ZBTB37: variants seen among roughly 807,000 people sequenced by gnomAD.
ZBTB37 encodes the protein zinc finger and BTB domain-containing protein 37.
Under a neutral mutation model 37.7 loss-of-function variants are expected in ZBTB37, and 15 were observed. That is an observed-to-expected ratio of 0.40 (90% CI 0.27 to 0.61). ZBTB37 has a LOEUF of 0.61. Among genes scored for constraint, ZBTB37 ranks in the 20% least tolerant of loss-of-function variants. ZBTB37 has a pLI of 0.44. For synonymous variants in ZBTB37, 231 were observed against 220.6 expected (o/e 1.05, Z -0.42); for missense variants, 514 against 641.9 (o/e 0.80, Z 2.15).
At chr1:173,869,694 T>A (rs1373822010) in intron 2 of ZBTB37, among the ~76,000 whole-genome samples, 1 of 152,216 alleles carries the variant, frequency 6.6e-6, no homozygotes, top group Non-Finnish European at 1.5e-5. Flanking sequence ...TAGCCTACAT[T>A]CATGTGGGAT....
intron 4 of ZBTB37, among the ~76,000 whole-genome samples, chr1:173,883,977 T>C (rs1656478894): frequency 6.6e-6 from 1 of 152,210 alleles, no homozygotes; most frequent in African/African-American, 2.4e-5. Flanking sequence ...TCTCTTTGCA[T>C]TGGTACTTTA....
chr1:173,891,052 C>T (rs1411245600), downstream of ZBTB37: 1 of 152,160 alleles, frequency 6.6e-6, no homozygotes, highest in Non-Finnish European at 1.5e-5. Flanking sequence ...TATCATAACT[C>T]TTTTTGTGCT....
chr1:173,884,320 T>A (rs1379534057), intron 4 of ZBTB37, among the ~76,000 whole-genome samples: 3 of 152,054 alleles, frequency 2.0e-5, no homozygotes, highest in Non-Finnish European at 2.9e-5. Context: ...ACCCAGCTAA[T>A]TTTTTATTGT....
chr1:173,893,935 C>T (rs1303809996), exon 4 of ZBTB37: 1 of 152,184 alleles, frequency 6.6e-6, no homozygotes, highest in East Asian at 1.9e-4. Flanking sequence ...AATCTTGATT[C>T]CAAAGCCCAG....
intron 3 of ZBTB37, among the ~76,000 whole-genome samples, chr1:173,871,403 T>C (rs1267707385): frequency 2.0e-5 from 3 of 152,230 alleles, no homozygotes; most frequent in African/African-American, 7.2e-5. Flanking sequence ...GAATAGCATC[T>C]GCAGCCACAC....
In ZBTB37 at chr1:173,903,002, C is replaced by T. The variant is rs1657328614; in HGVS notation, c.*16878C>T. 2 of 152,182 alleles carry T rather than the reference C, an allele frequency of 1.3e-5. 1 individual carries two copies. The highest frequency in any genetic ancestry group is 4.1e-4 in the South Asian group (2 of 4,826). 9.4% of individuals were successfully genotyped at this position (152,182 alleles called of 1,614,324 possible). Reference sequence around the variant, plus strand: ...ATTATTTTCACAGCTACCAATTTGTCAGAAACTTTGGTGGTGTTTTGTGGG... The same window carrying T: ...ATTATTTTCACAGCTACCAATTTGTTAGAAACTTTGGTGGTGTTTTGTGGG... On this transcript the variant is annotated 3_prime_UTR_variant, in exon 4 of 4. Transcript: ENST00000367701.
chr1:173,870,303 C>G (rs1231721071), exon 3 of ZBTB37: 7 of 1,614,210 alleles, frequency 4.3e-6, no homozygotes, highest in Non-Finnish European at 5.1e-6. Context: ...ACCAGTTGCG[C>G]ATGCAGGGCC....
chr1:173,895,084 G>A (rs555959587), exon 4 of ZBTB37: 1 of 152,316 alleles, frequency 6.6e-6, no homozygotes, highest in East Asian at 1.9e-4. Context: ...TCTAGAGGGA[G>A]TAAAAAGCTT....
downstream of ZBTB37, chr1:173,888,300 A>G (rs563374446): frequency 6.6e-6 from 1 of 152,364 alleles, no homozygotes; most frequent in African/African-American, 2.4e-5. Flanking sequence ...TCATTACTAA[A>G]TAGGCAGTGA....
At chr1:173,870,608 A>G (rs775793745) in exon 3 of ZBTB37, 3 of 1,614,086 alleles carry the variant, frequency 1.9e-6, no homozygotes, top group African/African-American at 1.3e-5. Flanking sequence ...ATTCATTTCA[A>G]AATTAATGTG....
chr1:173,870,806 C>A lies in ZBTB37; in HGVS notation c.581C>A (p.Thr194Asn), dbSNP rs769099246. 5 of 1,614,104 alleles carry A rather than the reference C, an allele frequency of 3.1e-6. No homozygotes were observed. The African/African-American group carries it at 6.7e-5, about 22-fold the overall frequency. ...GAGCTAAGTCCTCCTGAGGAGTCCA[C>A]CAGCCCTCAGATCATTGAACCAAGT... is the stretch of plus-strand genomic sequence containing the variant. Residue 194 changes from threonine (T) to asparagine (N), a missense_variant, in exon 3 of 5, where the codon ACC (threonine) becomes AAC (asparagine). Transcript: ENST00000427304.
downstream of ZBTB37, chr1:173,888,153 A>G (rs1428974883): frequency 6.6e-6 from 1 of 152,214 alleles, no homozygotes; most frequent in Non-Finnish European, 1.5e-5. Flanking sequence ...AGACAACAGC[A>G]TGATAAGGAA....
chr1:173,896,281 A>G (rs1657042925), exon 4 of ZBTB37: 1 of 152,222 alleles, frequency 6.6e-6, no homozygotes, highest in South Asian at 2.1e-4. Flanking sequence ...TTTAATGAAT[A>G]AAAATTTAAA....
exon 4 of ZBTB37, chr1:173,900,718 C>T (rs1440134892): frequency 2.6e-5 from 4 of 152,186 alleles, no homozygotes; most frequent in South Asian, 2.1e-4. Context: ...TGTGAAATTT[C>T]ATTAAAGTAG....
chr1:173,895,216 AC>A (rs1357715708), exon 4 of ZBTB37: 1 of 151,954 alleles, frequency 6.6e-6, no homozygotes, highest in Non-Finnish European at 1.5e-5. Context: ...CAATCCTCCT[AC>A]CTCATCCTCC....
chr1:173,892,657 T>G (rs566455462), exon 4 of ZBTB37: 60 of 152,298 alleles, frequency 3.9e-4, no homozygotes, highest in African/African-American at 1.4e-3. Context: ...GAAACCCCCA[T>G]TATCTTTATA....
chr1:173,894,144 T>C (rs934517372), exon 4 of ZBTB37: 12 of 152,230 alleles, frequency 7.9e-5, no homozygotes, highest in Non-Finnish European at 1.5e-5. Flanking sequence ...TATTGCCCAC[T>C]GATTCAAGGG....
chr1:173,882,530 G>A (rs1448060442), intron 4 of ZBTB37, among the ~76,000 whole-genome samples: 2 of 151,988 alleles, frequency 1.3e-5, no homozygotes, highest in Non-Finnish European at 2.9e-5. Context: ...ATGAGCCACT[G>A]TGCCCAGCCC....
chr1:173,898,843 A>G (rs1657154272), exon 4 of ZBTB37: 1 of 152,174 alleles, frequency 6.6e-6, no homozygotes, highest in Admixed American at 6.5e-5. Context: ...TGGTCCTTTG[A>G]TATCCTAGAA....
Sources: gnomAD v4.1 joint callset for allele counts (sites outside exome capture counted in the v4.1 genomes callset) on GRCh38, gnomAD v4.1.1 for gene constraint, MANE v1.5 for transcripts, NCBI Gene and HGNC (gene_info 2026-07-23, HGNC 2026-07-21) for gene names.